Variants in PDZRN4 observed in about 807,000 individuals in gnomAD.
PDZRN4 encodes PDZ domain-containing RING finger protein 4.
PDZRN4 carries 70 observed loss-of-function variants against 99.0 expected under a neutral mutation model. That is an observed-to-expected ratio of 0.71 (90% CI 0.58 to 0.86). The LOEUF is 0.86. Among genes scored for constraint, PDZRN4 ranks in the 40% least tolerant of loss-of-function variants. PDZRN4 has a pLI of 0.00. For missense variants in PDZRN4, 1,474 were observed against 1,331.2 expected, an observed-to-expected ratio of 1.11 and a Z score of -1.67; for synonymous variants, 551 against 501.6, an observed-to-expected ratio of 1.10 and a Z score of -1.32.
chr12:41,258,296 G>A (rs951586439), intron 3 of PDZRN4, among the ~76,000 whole-genome samples: 20 of 152,056 alleles, frequency 1.3e-4, no homozygotes, highest in African/African-American at 4.3e-4. Flanking sequence ...CCATTTGAAC[G>A]AATAAAACCT....
chr12:41,481,974 C>G (rs576054593), intron 3 of PDZRN4, among the ~76,000 whole-genome samples: 23 of 152,174 alleles, frequency 1.5e-4, no homozygotes, highest in Non-Finnish European at 3.1e-4. Context: ...TTAGTTTTGG[C>G]ATTTTTAATG....
At chr12:41,463,736 A>T (rs1374369104) in intron 3 of PDZRN4, among the ~76,000 whole-genome samples, 1 of 152,150 alleles carries the variant, frequency 6.6e-6, no homozygotes, top group African/African-American at 2.4e-5. Flanking sequence ...ATTGTAGGTT[A>T]CTCACACCCA....
chr12:41,335,966 C>A (rs930825283), intron 3 of PDZRN4, among the ~76,000 whole-genome samples: 1 of 152,022 alleles, frequency 6.6e-6, no homozygotes, highest in Non-Finnish European at 1.5e-5. Flanking sequence ...GTGCACAGAA[C>A]AACTCCTTTT....
intron 3 of PDZRN4, among the ~76,000 whole-genome samples, chr12:41,349,102 C>T (rs964132193): frequency 1.3e-5 from 2 of 151,782 alleles, no homozygotes; most frequent in African/African-American, 4.8e-5. Flanking sequence ...AATTTTGACA[C>T]AATTTTTTAC....
intron 3 of PDZRN4, among the ~76,000 whole-genome samples, chr12:41,299,280 G>C (rs758763888): frequency 1.3e-5 from 2 of 151,996 alleles, no homozygotes; most frequent in East Asian, 1.9e-4. Flanking sequence ...GAGAGAGAGA[G>C]AGACAGAAAT....
rs1950712580 is a variant in PDZRN4, at chr12:41,188,814, C to T, written c.359C>T (p.Ser120Leu). The T allele has an allele frequency of 4.5e-6, 6 of 1,331,016 alleles. No homozygotes were observed. Among genetic ancestry groups the T allele is most frequent in the Non-Finnish European group, 4.8e-6 (5 of 1,046,194 alleles). The allele number at this position is 1,331,016 out of a possible 1,614,324, so 82.5% of individuals were successfully genotyped here. ...CTCCGCAGCCGCGGGGGCTGCGCTT[C>T]GGGGCTGGGCGGTGGTGAGGTGCCC... is the stretch of plus-strand genomic sequence containing the variant. The part of the protein sequence containing the change: ...RRLRSRGGCA[S>L]GLGGGEVPAR... The change falls in exon 1 of 10, where the codon TCG becomes TTG. Residue 120 changes from serine to leucine, a missense_variant. Transcript: ENST00000402685.
At chr12:41,477,873 C>T (rs1937618979) in intron 3 of PDZRN4, 9 of 1,546,968 alleles carry the variant, frequency 5.8e-6, no homozygotes, top group East Asian at 2.3e-5. Context: ...AGGTAAGAGA[C>T]AATTTTTCCT....
intron 3 of PDZRN4, among the ~76,000 whole-genome samples, chr12:41,402,115 G>GTATA (rs56031225): frequency 0.033 from 863 of 25,868 alleles, 162 homozygotes; most frequent in African/African-American, 0.17. Context: ...TACACACTGA[G>GTATA]TATATATATA....
chr12:41,428,778 A>G (rs1263365591), intron 3 of PDZRN4, among the ~76,000 whole-genome samples: 1 of 152,052 alleles, frequency 6.6e-6, no homozygotes, highest in Non-Finnish European at 1.5e-5. Context: ...ACCATTAGAA[A>G]CTCCAGACGC....
chr12:41,540,446 C>T (rs1463271957), intron 5 of PDZRN4, among the ~76,000 whole-genome samples: 1 of 152,112 alleles, frequency 6.6e-6, no homozygotes, highest in African/African-American at 2.4e-5. Context: ...TTTCTTTGAT[C>T]TACCTTCAGG....
At chr12:41,356,312 G>C (rs2121049446) in intron 3 of PDZRN4, among the ~76,000 whole-genome samples, 1 of 152,000 alleles carries the variant, frequency 6.6e-6, no homozygotes, top group Admixed American at 6.6e-5. Flanking sequence ...TAAAACAAGG[G>C]GAAGTTAAAT....
In PDZRN4 at chr12:41,571,145, C is replaced by CTA. The variant is rs199839703; in HGVS notation, c.1585-1206_1585-1205dup. 9.5e-4 allele frequency among the ~76,000 whole-genome samples: 143 copies of CTA among 150,528 alleles called. No homozygotes were observed. In the East Asian group the frequency reaches 9.5e-3, roughly 10 times the overall value. On this transcript the variant is annotated intron_variant, in intron 9 of 9. Coordinates refer to ENST00000402685, the MANE Select transcript of PDZRN4 (RefSeq NM_001164595.2). ...GCTATATCTATACCTATCTATCTATCTATATATATATATAGTGAATAAACT... is the reference window on the plus strand; with the variant it reads ...GCTATATCTATACCTATCTATCTATCTATATATATATATATAGTGAATAAACT...
At chr12:41,309,570 A>G (rs1216690318) in intron 3 of PDZRN4, among the ~76,000 whole-genome samples, 1 of 152,136 alleles carries the variant, frequency 6.6e-6, no homozygotes, top group Non-Finnish European at 1.5e-5. Flanking sequence ...TTTTTGGGAG[A>G]CATAGTCAAG....
intron 3 of PDZRN4, among the ~76,000 whole-genome samples, chr12:41,211,845 G>C (rs898730922): frequency 6.6e-6 from 1 of 151,914 alleles, no homozygotes; most frequent in African/African-American, 2.4e-5. Context: ...AACCCATCAC[G>C]AGGCATTTAA....
At chr12:41,313,930 T>G (rs1438855924) in intron 3 of PDZRN4, among the ~76,000 whole-genome samples, 2 of 152,220 alleles carry the variant, frequency 1.3e-5, no homozygotes, top group African/African-American at 4.8e-5. Flanking sequence ...TGTATCTGTG[T>G]GTATAAACTG....
intron 3 of PDZRN4, among the ~76,000 whole-genome samples, chr12:41,357,419 C>A (rs148202019): frequency 6.6e-6 from 1 of 151,992 alleles, no homozygotes; most frequent in East Asian, 1.9e-4. Flanking sequence ...ATTCTAAGGC[C>A]CATTCTCTTC....
intron 3 of PDZRN4, among the ~76,000 whole-genome samples, chr12:41,310,675 A>G (rs1178344176): frequency 6.6e-6 from 1 of 152,188 alleles, no homozygotes; most frequent in African/African-American, 2.4e-5. Context: ...TCTTAAGATA[A>G]AAGGAAAGCT....
At chr12:41,571,461 T>C (rs899472114) in intron 9 of PDZRN4, among the ~76,000 whole-genome samples, 1 of 151,436 alleles carries the variant, frequency 6.6e-6, no homozygotes, top group Admixed American at 6.6e-5. Flanking sequence ...AGTGTCAAAA[T>C]TTTTTTGATA....
intron 3 of PDZRN4, among the ~76,000 whole-genome samples, chr12:41,346,193 T>C (rs1041038085): frequency 5.3e-5 from 8 of 152,196 alleles, no homozygotes; most frequent in African/African-American, 1.9e-4. Context: ...CCGGGCACGG[T>C]GGCTCACGCC....
Sources: gnomAD v4.1 joint callset for allele counts (sites outside exome capture counted in the v4.1 genomes callset) on GRCh38, gnomAD v4.1.1 for gene constraint, MANE v1.5 for transcripts, NCBI Gene and HGNC (gene_info 2026-07-23, HGNC 2026-07-21) for gene names.